PPM1E: variants seen among roughly 807,000 people sequenced by gnomAD.
The protein encoded by PPM1E is protein phosphatase, Mg2+/Mn2+ dependent 1E.
Under a neutral mutation model 65.9 loss-of-function variants are expected in PPM1E, and 20 were observed. The ratio of observed to expected loss-of-function variants is 0.30; its 90% CI spans 0.21 to 0.44. The LOEUF (loss-of-function observed/expected upper bound fraction) is 0.44. PPM1E is among the 20% of genes least tolerant of loss of function. PPM1E has a pLI of 1.00. For synonymous variants in PPM1E, 352 were observed against 374.9 expected (o/e 0.94, Z 0.70); for missense variants, 713 against 953.1 (o/e 0.75, Z 3.32).
At chr17:58,842,573 G>A (rs1567850859) in intron 1 of PPM1E, among the ~76,000 whole-genome samples, 1 of 152,266 alleles carries the variant, frequency 6.6e-6, no homozygotes, top group Non-Finnish European at 1.5e-5. Flanking sequence ...GGGAGGCCAA[G>A]GCGGGTGGAT....
rs2051718416 is a variant in PPM1E, at chr17:58,918,962, C to T, written c.465-36687C>T. The stretch of plus-strand genomic sequence containing the variant: ...GAAAAGGGATTGCTTTTATGAGCTA[C>T]AGTTATGAGGTCTAAAATTTTATCT... On this transcript the variant is annotated intron_variant, in intron 1 of 6. Coordinates refer to ENST00000308249, the MANE Select transcript of PPM1E (RefSeq NM_014906.5). Among the ~76,000 whole-genome samples the T allele has an allele frequency of 1.3e-5, 2 of 152,118 alleles. 1 individual carries two copies. The highest frequency in any genetic ancestry group is 4.1e-4 in the South Asian group (2 of 4,820).
intron 1 of PPM1E, among the ~76,000 whole-genome samples, chr17:58,918,673 G>C (rs2051714528): frequency 6.6e-6 from 1 of 151,780 alleles, no homozygotes; most frequent in Admixed American, 6.6e-5. Context: ...GGGCATGGTG[G>C]CATGCACTTG....
chr17:58,821,692 G>A (rs1201319396), intron 1 of PPM1E, among the ~76,000 whole-genome samples: 1 of 152,200 alleles, frequency 6.6e-6, no homozygotes, highest in Non-Finnish European at 1.5e-5. Context: ...TAGTAGAAGA[G>A]ATGGAAATAG....
chr17:58,972,325 A>C, intron 5 of PPM1E, 50 bp downstream of exon 5: 1 of 1,533,808 alleles, frequency 6.5e-7, no homozygotes. Context: ...ATTAGTTTAG[A>C]TTTTCTAGTT....
intron 1 of PPM1E, among the ~76,000 whole-genome samples, chr17:58,798,421 C>A (rs1335890380): frequency 6.6e-6 from 1 of 151,278 alleles, no homozygotes; most frequent in East Asian, 1.9e-4. Flanking sequence ...GACAGGGTTT[C>A]ACCATGTTGG....
At chr17:58,811,164 T>C (rs1483050414) in intron 1 of PPM1E, among the ~76,000 whole-genome samples, 2 of 152,180 alleles carry the variant, frequency 1.3e-5, no homozygotes, top group Non-Finnish European at 2.9e-5. Context: ...AGCCTTGTTT[T>C]GTGAATTTGG....
intron 1 of PPM1E, among the ~76,000 whole-genome samples, chr17:58,911,516 C>T (rs954315179): frequency 6.6e-6 from 1 of 152,072 alleles, no homozygotes; most frequent in African/African-American, 2.4e-5. Flanking sequence ...TTCAAAGGGT[C>T]AGTTGAAGGC....
intron 1 of PPM1E, among the ~76,000 whole-genome samples, chr17:58,759,760 A>C (rs1315415578): frequency 6.6e-6 from 1 of 152,234 alleles, no homozygotes; most frequent in Non-Finnish European, 1.5e-5. Context: ...AGTAATAATG[A>C]GGGTGGACAC....
intron 1 of PPM1E, among the ~76,000 whole-genome samples, chr17:58,938,787 CTTT>C (rs565049669): frequency 4.0e-5 from 5 of 125,166 alleles, no homozygotes; most frequent in Non-Finnish European, 3.4e-5. Flanking sequence ...TACACTAATT[CTTT>C]TTTTTTTTTT....
intron 1 of PPM1E, among the ~76,000 whole-genome samples, chr17:58,800,874 G>A (rs2143050956): frequency 6.6e-6 from 1 of 152,134 alleles, no homozygotes; most frequent in African/African-American, 2.4e-5. Flanking sequence ...TCTTTTCAAA[G>A]AACCAACTTT....
At chr17:58,819,491 A>G (rs1446536274) in intron 1 of PPM1E, among the ~76,000 whole-genome samples, 1 of 152,170 alleles carries the variant, frequency 6.6e-6, no homozygotes, top group East Asian at 1.9e-4. Context: ...TTTCTTGAAT[A>G]TACAAGAAGT....
In PPM1E at chr17:58,875,245, A is replaced by G. The variant is rs577950426; in HGVS notation, c.465-80404A>G. Reference sequence around the variant, plus strand: ...ATTGTCTTTGTATTGGTATTAATGTATCTAATTAGTGGCAGGCATCTAGGT... The same window carrying G: ...ATTGTCTTTGTATTGGTATTAATGTGTCTAATTAGTGGCAGGCATCTAGGT... On this transcript the variant is annotated intron_variant, in intron 1 of 6. Coordinates refer to ENST00000308249, the MANE Select transcript of PPM1E (RefSeq NM_014906.5). Among the ~76,000 whole-genome samples, 12 of 152,318 alleles carry G rather than the reference A, an allele frequency of 7.9e-5. No homozygotes were observed. In the East Asian group the frequency reaches 2.1e-3, roughly 27 times the overall value.
At chr17:58,795,968 C>T (rs755935485) in intron 1 of PPM1E, among the ~76,000 whole-genome samples, 1 of 152,074 alleles carries the variant, frequency 6.6e-6, no homozygotes, top group Admixed American at 6.5e-5. Context: ...TATTTTCTCC[C>T]GTTCTGTAGT....
rs1171766675 is a variant in PPM1E, at chr17:58,858,249, T to C, written c.465-97400T>C. ...CATAGTGATGTTTTGATACATATAA[T>C]GTATAGTGATCTTATCAGGGTAATT... On this transcript the variant is annotated intron_variant, in intron 1 of 6. Transcript: ENST00000308249. 2.0e-5 allele frequency among the ~76,000 whole-genome samples: 3 copies of C among 152,158 alleles called. No homozygotes were observed. In the East Asian group the frequency reaches 5.8e-4, roughly 29 times the overall value.
chr17:58,922,049 A>G (rs1351104139), intron 1 of PPM1E, among the ~76,000 whole-genome samples: 3 of 151,152 alleles, frequency 2.0e-5, no homozygotes. Flanking sequence ...CAAAAAGAAA[A>G]AAAAAAGAAA....
chr17:58,824,713 C>T (rs563584638), intron 1 of PPM1E, among the ~76,000 whole-genome samples: 7 of 151,228 alleles, frequency 4.6e-5, no homozygotes, highest in Non-Finnish European at 7.4e-5. Flanking sequence ...CTCAGGCTCC[C>T]GAGTAGCTGG....
intron 1 of PPM1E, 64 bp from the exon 2 acceptor site, chr17:58,955,585 A>G: frequency 2.0e-6 from 3 of 1,530,724 alleles, no homozygotes; most frequent in Non-Finnish European, 2.7e-6. Context: ...TAATTATTAT[A>G]ACGTTAAATG....
In PPM1E at chr17:58,908,729, C is replaced by T. The variant is rs139475442; in HGVS notation, c.465-46920C>T. On this transcript the variant is annotated intron_variant, in intron 1 of 6. Coordinates refer to ENST00000308249, the MANE Select transcript of PPM1E (RefSeq NM_014906.5). The stretch of plus-strand genomic sequence containing the variant: ...TGCTGTGATTACAGGCATGAGCCAC[C>T]GTGCCGAGCCACTTTTTATACTTCT... Among the ~76,000 whole-genome samples, 49 of 152,222 alleles carry T rather than the reference C, an allele frequency of 3.2e-4. 1 individual carries two copies. In the East Asian group the frequency reaches 9.1e-3, roughly 28 times the overall value.
At chr17:58,921,190 C>T (rs1178473230) in intron 1 of PPM1E, among the ~76,000 whole-genome samples, 1 of 152,166 alleles carries the variant, frequency 6.6e-6, no homozygotes. Context: ...AAGGTAGAGA[C>T]AGCAAGTACA....
Sources: gnomAD v4.1 joint callset for allele counts (sites outside exome capture counted in the v4.1 genomes callset) on GRCh38, gnomAD v4.1.1 for gene constraint, MANE v1.5 for transcripts, NCBI Gene and HGNC (gene_info 2026-07-23, HGNC 2026-07-21) for gene names.